The following INPP5A variants were observed in gnomAD, a reference collection of about 807,000 sequenced individuals.
INPP5A encodes the protein inositol polyphosphate-5-phosphatase A, also known as 43 kDa inositol polyphosphate 5-phophatase.
Under a neutral mutation model 65.2 loss-of-function variants are expected in INPP5A, and 14 were observed. The ratio of observed to expected loss-of-function variants is 0.21; its 90% CI spans 0.14 to 0.34. The LOEUF is 0.34. Ranked by LOEUF, INPP5A falls within the 10% of genes least tolerant of loss-of-function variation. INPP5A has a pLI of 1.00. For synonymous variants in INPP5A, 207 were observed against 208.3 expected (o/e 0.99, Z 0.05); for missense variants, 431 against 545.6 (o/e 0.79, Z 2.09).
intron 8 of INPP5A, among the ~76,000 whole-genome samples, chr10:132,713,689 C>T (rs944270485): frequency 6.6e-6 from 1 of 152,168 alleles, no homozygotes; most frequent in Non-Finnish European, 1.5e-5. Context: ...TGCTGCTGTG[C>T]TCGTGGCCAC....
At chr10:132,573,208 TGA>T (rs2071371230) in intron 1 of INPP5A, among the ~76,000 whole-genome samples, 1 of 139,746 alleles carries the variant, frequency 7.2e-6, no homozygotes, top group African/African-American at 2.7e-5. Flanking sequence ...GAGGTTTTAT[TGA>T]GATGTTGGGG....
Position 132,705,790 on chromosome 10 carries a change from G to GC in INPP5A, c.475-2520dup, listed in dbSNP as rs1376792373. Among the ~76,000 whole-genome samples the GC allele has an allele frequency of 2.0e-5, 3 of 152,164 alleles. No homozygotes were observed. Among genetic ancestry groups the GC allele is most frequent in the Non-Finnish European group, 4.4e-5 (3 of 68,034 alleles). On this transcript the variant is annotated intron_variant, in intron 6 of 15. Coordinates refer to ENST00000368594, the MANE Select transcript of INPP5A (RefSeq NM_005539.5). The surrounding 1 kb of genome is among the most constrained non-coding windows in gnomAD (Gnocchi z 4.9). The stretch of plus-strand genomic sequence containing the variant: ...CCTCAGTATCACTGGGGAGCAGAGA[G>GC]CCCAGACCTTTTACAATGCTGGGTG...
At chr10:132,673,744 C>T (rs1357034540) in intron 4 of INPP5A, among the ~76,000 whole-genome samples, 1 of 152,210 alleles carries the variant, frequency 6.6e-6, no homozygotes, top group Non-Finnish European at 1.5e-5. Flanking sequence ...TAGGCAAACC[C>T]ATATCTAAAG....
At chr10:132,728,073 GAGCTGGC>G (rs1303879428) in intron 9 of INPP5A, among the ~76,000 whole-genome samples, 1 of 152,220 alleles carries the variant, frequency 6.6e-6, no homozygotes, top group Non-Finnish European at 1.5e-5. Flanking sequence ...CTGTTGGGTT[GAGCTGGC>G]AGCACCTTGT....
At chr10:132,671,027 CTT>C in intron 4 of INPP5A, among the ~76,000 whole-genome samples, 1 of 152,106 alleles carries the variant, frequency 6.6e-6, no homozygotes, top group Admixed American at 6.5e-5. Flanking sequence ...CTTTGGATGT[CTT>C]TTCCCGTAAG....
intron 1 of INPP5A, among the ~76,000 whole-genome samples, chr10:132,548,558 T>C (rs2133250303): frequency 6.6e-6 from 1 of 152,264 alleles, no homozygotes; most frequent in East Asian, 1.9e-4. Flanking sequence ...TGAGAAAATA[T>C]TTATGGTGTG....
At chr10:132,667,792 C>T (rs536790414) in intron 4 of INPP5A, among the ~76,000 whole-genome samples, 61 of 151,842 alleles carry the variant, frequency 4.0e-4, no homozygotes, top group Non-Finnish European at 5.4e-4. Flanking sequence ...CTGCCCGGCG[C>T]GAGCCGGAAG....
intron 4 of INPP5A, among the ~76,000 whole-genome samples, chr10:132,653,228 A>G (rs1310215345): frequency 1.3e-5 from 2 of 152,106 alleles, no homozygotes; most frequent in Non-Finnish European, 2.9e-5. Context: ...GTTTTTCCAC[A>G]TGAGGGCGAA....
At chr10:132,711,418 C>T (rs1407682829) in intron 8 of INPP5A, among the ~76,000 whole-genome samples, 1 of 152,200 alleles carries the variant, frequency 6.6e-6, no homozygotes, top group Non-Finnish European at 1.5e-5. Context: ...GGAAACCTTT[C>T]CCGCCAGCAT....
chr10:132,748,512 TC>T (rs1366561571), intron 9 of INPP5A, among the ~76,000 whole-genome samples: 1 of 152,334 alleles, frequency 6.6e-6, no homozygotes, highest in Non-Finnish European at 1.5e-5. Flanking sequence ...GGCCAGGGGC[TC>T]CCCGTGGCCA....
rs534609260 is a variant in INPP5A at position 132,593,074 on chromosome 10, C to T, written c.76-14841C>T. Among the ~76,000 whole-genome samples the T allele has an allele frequency of 3.3e-5, 5 of 152,336 alleles. No individual in the cohort carries two copies. In the South Asian group the frequency reaches 1.0e-3, roughly 32 times the overall value. ...GAGCCTATCGGGGAGAGACTGCCCT[C>T]TGCTTACAGCCTCAGACCTTTAGAC... On this transcript the variant is annotated intron_variant, in intron 1 of 15. Transcript: ENST00000368594.
chr10:132,763,414 C>G (rs1846768343), intron 11 of INPP5A, among the ~76,000 whole-genome samples: 1 of 152,280 alleles, frequency 6.6e-6, no homozygotes, highest in South Asian at 2.1e-4. Flanking sequence ...AAGCCTCAAA[C>G]TCAAGCTCCA....
chr10:132,631,645 C>T (rs368385120), intron 2 of INPP5A, among the ~76,000 whole-genome samples: 132 of 152,328 alleles, frequency 8.7e-4, no homozygotes, highest in African/African-American at 2.9e-3. Context: ...TGCCGATGGA[C>T]GTGGCCTGGG....
Position 132,705,897 on chromosome 10 carries a change from G to A in INPP5A, c.475-2416G>A, listed in dbSNP as rs1345556370. 4.6e-5 allele frequency among the ~76,000 whole-genome samples: 7 copies of A among 152,206 alleles called. No homozygotes were observed. The highest frequency in any genetic ancestry group is 2.1e-4 in the South Asian group (1 of 4,830). ...TGCAAACCAAGAACGTCTATGAGACGAGCAGACACCAGAATACAGACTCAC... is the reference window on the plus strand; with the variant it reads ...TGCAAACCAAGAACGTCTATGAGACAAGCAGACACCAGAATACAGACTCAC... On this transcript the variant is annotated intron_variant, in intron 6 of 15. Transcript: ENST00000368594. The surrounding 1 kb of genome is among the most constrained non-coding windows in gnomAD (Gnocchi z 4.9).
intron 9 of INPP5A, among the ~76,000 whole-genome samples, chr10:132,749,201 T>A (rs1039386770): frequency 2.0e-5 from 3 of 152,244 alleles, no homozygotes; most frequent in Non-Finnish European, 2.9e-5. Context: ...CTGTTCTCAG[T>A]GCTGCTGTGC....
intron 8 of INPP5A, among the ~76,000 whole-genome samples, chr10:132,719,867 T>TGG (rs1845830849): frequency 6.7e-6 from 1 of 150,066 alleles, no homozygotes; most frequent in African/African-American, 2.5e-5. Context: ...CGGTTCTGTC[T>TGG]GGGCGCCTTA....
rs368166114 is a variant in INPP5A, at chr10:132,549,495, A to G, written c.75+11324A>G. On this transcript the variant is annotated intron_variant, in intron 1 of 15. Coordinates refer to ENST00000368594, the MANE Select transcript of INPP5A (RefSeq NM_005539.5). The surrounding 1 kb of genome is among the most constrained non-coding windows in gnomAD (Gnocchi z 4.9). The stretch of plus-strand genomic sequence containing the variant: ...AGGATGGTTATCTTGCCGTGTTGGT[A>G]ATGGCTTTGACAGCTGGATGACAGA... Among the ~76,000 whole-genome samples the G allele has an allele frequency of 6.6e-6, 1 of 152,206 alleles. No individual in the cohort carries two copies. Among genetic ancestry groups the G allele is most frequent in the Admixed American group, 6.5e-5 (1 of 15,280 alleles).
At chr10:132,701,770 T>C (rs1845441440) in intron 6 of INPP5A, among the ~76,000 whole-genome samples, 1 of 152,224 alleles carries the variant, frequency 6.6e-6, no homozygotes, top group African/African-American at 2.4e-5. Context: ...ACCCCAGCCC[T>C]GGCTGCCTGC....
chr10:132,734,165 G>A (rs543938721), intron 9 of INPP5A, among the ~76,000 whole-genome samples: 4 of 152,198 alleles, frequency 2.6e-5, no homozygotes, highest in African/African-American at 7.2e-5. Context: ...CGCTGCAGGC[G>A]CACCTGAGAT....
Sources: gnomAD v4.1 joint callset for allele counts (sites outside exome capture counted in the v4.1 genomes callset) on GRCh38, gnomAD v4.1.1 for gene constraint, Gnocchi (gnomAD v3.1) non-coding constraint, MANE v1.5 for transcripts, NCBI Gene and HGNC (gene_info 2026-07-23, HGNC 2026-07-21) for gene names.